STAC: variants seen among roughly 807,000 people sequenced by gnomAD.
STAC encodes SH3 and cysteine-rich domain-containing protein.
In STAC, 43 loss-of-function variants were observed where a neutral mutation model predicts 48.8. The ratio of observed to expected loss-of-function variants is 0.88; its 90% CI spans 0.69 to 1.14. The LOEUF (loss-of-function observed/expected upper bound fraction) is 1.14, where lower values mean the gene tolerates loss of function less well. STAC is among the 50% of genes most tolerant of loss of function. The pLI is 0.00. For missense variants in STAC, 497 were observed against 504.0 expected (o/e 0.99, Z 0.13); for synonymous variants, 193 against 179.5 (o/e 1.07, Z -0.60).
At chr3:36,385,139 G>A (rs1699589773) in intron 1 of STAC, among the ~76,000 whole-genome samples, 1 of 152,008 alleles carries the variant, frequency 6.6e-6, no homozygotes, top group Non-Finnish European at 1.5e-5. Flanking sequence ...AACAGAATTA[G>A]AATAGTGTAT....
intron 2 of STAC, among the ~76,000 whole-genome samples, chr3:36,458,193 G>C (rs1467369462): frequency 6.6e-6 from 1 of 152,084 alleles, no homozygotes; most frequent in Non-Finnish European, 1.5e-5. Context: ...GGAAAACTTG[G>C]AAACCATCTT....
chr3:36,439,771 G>A (rs1214610567), intron 1 of STAC, among the ~76,000 whole-genome samples: 3 of 152,140 alleles, frequency 2.0e-5, no homozygotes, highest in African/African-American at 7.2e-5. Context: ...CAATCTCAAT[G>A]AATGATTGTC....
In STAC at chr3:36,443,989, T is replaced by C. The variant is rs919988187; in HGVS notation, c.388+349T>C. Among the ~76,000 whole-genome samples the C allele has an allele frequency of 1.3e-5, 2 of 152,292 alleles. No individual in the cohort carries two copies. Among genetic ancestry groups the C allele is most frequent in the South Asian group, 4.2e-4 (2 of 4,818 alleles). On this transcript the variant is annotated intron_variant, in intron 2 of 10. Transcript: ENST00000273183. This position sits in a 1 kb window ranked among gnomAD's most constrained non-coding sequence, Gnocchi z 4.2. ...TATGGGCAACAAGTGAGACCTGGAA[T>C]GCTTGTTGCTTCCCCAAAAAAAAGC...
intron 2 of STAC, chr3:36,459,383 TA>T (rs1434923399): frequency 6.6e-6 from 1 of 152,106 alleles, no homozygotes. Context: ...TTGAGTTGGG[TA>T]TTGAAGGATG....
intron 6 of STAC, among the ~76,000 whole-genome samples, chr3:36,504,037 C>G (rs1028071532): frequency 6.6e-6 from 1 of 152,128 alleles, no homozygotes; most frequent in South Asian, 2.1e-4. Context: ...CAACCACCAC[C>G]CCATTAACAA....
chr3:36,402,998 C>A (rs1030765190), intron 1 of STAC, among the ~76,000 whole-genome samples: 2 of 152,094 alleles, frequency 1.3e-5, no homozygotes, highest in African/African-American at 4.8e-5. Flanking sequence ...AACAGCTAAC[C>A]CAGAGAAATA....
chr3:36,383,691 C>T (rs1057020306), intron 1 of STAC, among the ~76,000 whole-genome samples: 15 of 152,206 alleles, frequency 9.9e-5, no homozygotes, highest in African/African-American at 2.7e-4. Flanking sequence ...CTGTGAACAA[C>T]CCGAACCAGC....
chr3:36,541,700 C>T (rs1201898389), intron 10 of STAC, among the ~76,000 whole-genome samples: 1 of 152,112 alleles, frequency 6.6e-6, no homozygotes, highest in Non-Finnish European at 1.5e-5. Context: ...TCCAGAAGAC[C>T]GTAAACTGCC....
chr3:36,456,597 G>C (rs577931812), intron 2 of STAC, among the ~76,000 whole-genome samples: 19 of 152,174 alleles, frequency 1.2e-4, no homozygotes, highest in East Asian at 1.2e-3. Flanking sequence ...TACATCAACT[G>C]CCAGAAGTTT....
At position 36,475,557 on chromosome 3, in the gene STAC, T is replaced by C. The variant is rs181630863; in HGVS notation, c.389-7435T>C. 6.6e-4 allele frequency among the ~76,000 whole-genome samples: 101 copies of C among 152,276 alleles called. 3 individuals carry two copies. In the East Asian group the frequency reaches 0.012, roughly 18 times the overall value. ...GGCAGGCATTTCTGGGTTATATATG[T>C]GAGGTAAAAGCAGTAACAGAAATCT... On this transcript the variant is annotated intron_variant, in intron 2 of 10. Transcript: ENST00000273183.
intron 10 of STAC, among the ~76,000 whole-genome samples, chr3:36,545,695 G>A (rs952591915): frequency 7.9e-5 from 12 of 152,160 alleles, no homozygotes; most frequent in African/African-American, 2.9e-4. Context: ...GGAAATGTTA[G>A]CATCTATTTG....
intron 2 of STAC, among the ~76,000 whole-genome samples, chr3:36,463,190 G>T (rs908848944): frequency 3.3e-5 from 5 of 152,016 alleles, no homozygotes; most frequent in Non-Finnish European, 4.4e-5. Context: ...AAGCTTTTTT[G>T]TTATATTGTG....
At chr3:36,410,908 T>C (rs1310571312) in intron 1 of STAC, among the ~76,000 whole-genome samples, 1 of 152,212 alleles carries the variant, frequency 6.6e-6, no homozygotes, top group Non-Finnish European at 1.5e-5. Flanking sequence ...GACTATACAT[T>C]TACGGGATTT....
chr3:36,509,849 T>C (rs1256621435), intron 8 of STAC, among the ~76,000 whole-genome samples: 2 of 151,898 alleles, frequency 1.3e-5, no homozygotes, highest in African/African-American at 4.8e-5. Context: ...CCTAAAACCA[T>C]AAAAACCCTA....
chr3:36,408,216 C>G (rs1241488070), intron 1 of STAC, among the ~76,000 whole-genome samples: 1 of 152,152 alleles, frequency 6.6e-6, no homozygotes, highest in African/African-American at 2.4e-5. Context: ...AGTTACTATC[C>G]CATCCTCTCC....
intron 1 of STAC, among the ~76,000 whole-genome samples, chr3:36,442,167 T>C (rs1162454374): frequency 6.6e-6 from 1 of 152,226 alleles, no homozygotes; most frequent in East Asian, 1.9e-4. Flanking sequence ...ATTGCAGTTC[T>C]AGAAACTAAA....
At chr3:36,397,195 T>G (rs17035006) in intron 1 of STAC, among the ~76,000 whole-genome samples, 2 of 151,884 alleles carry the variant, frequency 1.3e-5, no homozygotes, top group Non-Finnish European at 2.9e-5. Flanking sequence ...CCTATAAGTC[T>G]TTTTGTCAGA....
At chr3:36,460,699 C>A (rs1696992414) in intron 2 of STAC, among the ~76,000 whole-genome samples, 1 of 152,080 alleles carries the variant, frequency 6.6e-6, no homozygotes, top group Non-Finnish European at 1.5e-5. Flanking sequence ...GCTGGAAAAC[C>A]TCGGTCAGAA....
At chr3:36,545,783 C>G (rs1699430546) in intron 10 of STAC, among the ~76,000 whole-genome samples, 1 of 152,156 alleles carries the variant, frequency 6.6e-6, no homozygotes, top group Non-Finnish European at 1.5e-5. Context: ...GAGCACATGA[C>G]AGGAGTCTGC....
Sources: gnomAD v4.1 joint callset for allele counts (sites outside exome capture counted in the v4.1 genomes callset) on GRCh38, gnomAD v4.1.1 for gene constraint, Gnocchi (gnomAD v3.1) non-coding constraint, MANE v1.5 for transcripts, NCBI Gene and HGNC (gene_info 2026-07-23, HGNC 2026-07-21) for gene names.